The following CCDC110 variants were observed in gnomAD, a reference collection of about 807,000 sequenced individuals.
CCDC110 encodes coiled-coil domain-containing protein 110.
A neutral mutation model predicts 77.1 loss-of-function variants in CCDC110; 70 were observed. That is an observed-to-expected ratio of 0.91 (90% CI 0.75 to 1.11). The LOEUF is 1.11. Ranked by LOEUF, CCDC110 falls within the 50% of genes least tolerant of loss-of-function variation. The pLI, the probability that CCDC110 is intolerant of heterozygous loss-of-function variation, is 0.00. For synonymous variants in CCDC110, 295 were observed against 312.5 expected, an observed-to-expected ratio of 0.94 and a Z score of 0.59; for missense variants, 868 against 942.9, an observed-to-expected ratio of 0.92 and a Z score of 1.04.
chr4:185,462,338 A>C (rs2095647947), intron 4 of CCDC110, among the ~76,000 whole-genome samples: 1 of 152,144 alleles, frequency 6.6e-6, no homozygotes, highest in South Asian at 2.1e-4. Context: ...TTTTTTCCCT[A>C]AGCCAGTTTG....
At chr4:185,448,711 C>T (rs1446677826) in intron 6 of CCDC110, among the ~76,000 whole-genome samples, 1 of 152,166 alleles carries the variant, frequency 6.6e-6, no homozygotes, top group Non-Finnish European at 1.5e-5. Flanking sequence ...CCCAACTCAT[C>T]TAATAAACAG....
At chr4:185,448,127 T>A (rs2095619712) in intron 6 of CCDC110, among the ~76,000 whole-genome samples, 1 of 152,052 alleles carries the variant, frequency 6.6e-6, no homozygotes, top group Admixed American at 6.5e-5. Context: ...TTCAAGCAAC[T>A]CTCCTGTCTC....
intron 6 of CCDC110, among the ~76,000 whole-genome samples, chr4:185,447,250 C>T (rs1400212299): frequency 2.0e-5 from 3 of 151,634 alleles, no homozygotes; most frequent in South Asian, 2.1e-4. Context: ...GGCACGATCT[C>T]GGCTCACTGC....
intron 6 of CCDC110, chr4:185,449,554 T>C: frequency 7.7e-7 from 1 of 1,291,424 alleles, no homozygotes; most frequent in South Asian, 1.4e-5. Flanking sequence ...GGTATTTGAC[T>C]TGCACCTATA....
intron 2 of CCDC110, among the ~76,000 whole-genome samples, chr4:185,463,665 T>TG (rs910684995): frequency 2.0e-5 from 3 of 152,212 alleles, no homozygotes; most frequent in Admixed American, 6.5e-5. Context: ...CTACCATGTG[T>TG]GGGGATAGCA....
chr4:185,458,418 CTTTAGTTCTTCT>C lies in CCDC110; in HGVS notation c.2157_2168del (p.Glu720_Lys723del). On this transcript the variant is annotated inframe_deletion, in exon 6 of 7. Coordinates refer to ENST00000307588, the MANE Select transcript of CCDC110 (RefSeq NM_152775.4). Reference sequence around the variant, plus strand: ...ATTTTATATTTTCTTGACTATGTTTCTTTAGTTCTTCTTTTAGAATCTGATTATCTGTTTTGG... The same window carrying C: ...ATTTTATATTTTCTTGACTATGTTTCTTTAGAATCTGATTATCTGTTTTGG... The C allele has an allele frequency of 6.3e-7, 1 of 1,596,382 alleles. No individual in the cohort carries two copies. Among genetic ancestry groups the C allele is most frequent in the Non-Finnish European group, 8.5e-7 (1 of 1,172,828 alleles).
intron 2 of CCDC110, among the ~76,000 whole-genome samples, chr4:185,465,695 G>A (rs1458283829): frequency 6.6e-6 from 1 of 152,208 alleles, no homozygotes; most frequent in Non-Finnish European, 1.5e-5. Context: ...ATAGAGTATG[G>A]GGTGGGGTGA....
chr4:185,451,868 A>G (rs982334785), intron 6 of CCDC110, among the ~76,000 whole-genome samples: 5 of 152,234 alleles, frequency 3.3e-5, no homozygotes, highest in African/African-American at 1.2e-4. Context: ...TATCATATTC[A>G]TAGATGGGAA....
At chr4:185,463,495 A>G (rs1410150909) in intron 2 of CCDC110, among the ~76,000 whole-genome samples, 1 of 152,210 alleles carries the variant, frequency 6.6e-6, no homozygotes, top group Non-Finnish European at 1.5e-5. Flanking sequence ...GTCCTGGCTT[A>G]AGCACAGTAC....
chr4:185,452,192 G>C, intron 6 of CCDC110: 1 of 985,126 alleles, frequency 1.0e-6, no homozygotes, highest in Non-Finnish European at 1.2e-6. Flanking sequence ...ACTCAGCCAT[G>C]ACACTGGCGT....
At chr4:185,451,045 A>T (rs1012724460) in intron 6 of CCDC110, among the ~76,000 whole-genome samples, 12 of 151,936 alleles carry the variant, frequency 7.9e-5, no homozygotes, top group African/African-American at 2.7e-4. Flanking sequence ...AGCTTCCCCC[A>T]TACTGTTCTC....
chr4:185,456,497 G>A (rs1353511018), intron 6 of CCDC110, among the ~76,000 whole-genome samples: 1 of 152,040 alleles, frequency 6.6e-6, no homozygotes, highest in Non-Finnish European at 1.5e-5. Flanking sequence ...AATAAAATTG[G>A]TAAAACTCTA....
chr4:185,458,403 T>C lies in CCDC110; in HGVS notation c.2184A>G (p.Glu728=). 6.3e-7 allele frequency: 1 copy of C among 1,594,954 alleles called. No homozygotes were observed. Among genetic ancestry groups the C allele is most frequent in the East Asian group, 2.2e-5 (1 of 44,638 alleles). ...TGATGCTGTTTTCAAATTTTATATT[T>C]TCTTGACTATGTTTCTTTAGTTCTT... ...LKEELKKHSQ[E]NIKFENSISR... Residue 728 remains glutamate, a synonymous_variant, in exon 6 of 7, where the codon GAA becomes GAG. Coordinates refer to ENST00000307588, the MANE Select transcript of CCDC110 (RefSeq NM_152775.4).
At chr4:185,449,526 A>AC in intron 6 of CCDC110, 1 of 1,077,030 alleles carries the variant, frequency 9.3e-7, no homozygotes, top group Non-Finnish European at 1.3e-6. Context: ...CGGTCTTAAA[A>AC]AAAAAAAAGA....
At chr4:185,466,745 A>AT (rs113678345) in intron 2 of CCDC110, among the ~76,000 whole-genome samples, 2,957 of 146,538 alleles carry the variant, frequency 0.02, 54 homozygotes, top group East Asian at 0.078. Context: ...AAGAGAAGGA[A>AT]TTTTTTTTTT....
chr4:185,459,406 T>A lies in CCDC110; in HGVS notation c.1181A>T (p.Asp394Val). The change falls in exon 6 of 7, where the codon GAC (aspartate) becomes GTC (valine). Residue 394 changes from aspartate (D) to valine (V), a missense_variant. Transcript: ENST00000307588. The part of the protein sequence containing the change: ...FLDQTKHEMK[D>V]KERQPFLVKQ... ...TACTAGAAATGGTTGTCTTTCTTTG[T>A]CTTTCATTTCATGTTTTGTTTGGTC... The A allele has an allele frequency of 6.2e-7, 1 of 1,612,076 alleles. No homozygotes were observed. The highest frequency in any genetic ancestry group is 2.2e-5 in the East Asian group (1 of 44,812).
At chr4:185,451,032 G>T (rs1340985610) in intron 6 of CCDC110, among the ~76,000 whole-genome samples, 1 of 152,010 alleles carries the variant, frequency 6.6e-6, no homozygotes, top group African/African-American at 2.4e-5. Context: ...CAATCATGGA[G>T]GCAGCTTCCC....
At chr4:185,463,165 C>A (rs767868549) in intron 2 of CCDC110, 116 bp from the exon 3 acceptor site, 25 of 705,400 alleles carry the variant, frequency 3.5e-5, no homozygotes, top group Non-Finnish European at 5.9e-5. Flanking sequence ...ATAATGAGAA[C>A]TTCTGATATT....
intron 6 of CCDC110, among the ~76,000 whole-genome samples, chr4:185,451,867 C>T (rs947942470): frequency 1.4e-4 from 21 of 152,116 alleles, no homozygotes; most frequent in African/African-American, 5.1e-4. Flanking sequence ...ATATCATATT[C>T]ATAGATGGGA....
Sources: gnomAD v4.1 joint callset for allele counts (sites outside exome capture counted in the v4.1 genomes callset) on GRCh38, gnomAD v4.1.1 for gene constraint, MANE v1.5 for transcripts, NCBI Gene and HGNC (gene_info 2026-07-23, HGNC 2026-07-21) for gene names.